The following KCNMA1 variants were observed in gnomAD, a reference collection of about 807,000 sequenced individuals.
The protein encoded by KCNMA1 is potassium calcium-activated channel subfamily M alpha 1.
In KCNMA1, 29 loss-of-function variants were observed where a neutral mutation model predicts 140.0. The observed-to-expected ratio is 0.21, with a 90% CI of 0.15 to 0.28. The LOEUF (loss-of-function observed/expected upper bound fraction) is 0.28. Among genes scored for constraint, KCNMA1 ranks in the 10% least tolerant of loss-of-function variants. The pLI, the probability that KCNMA1 is intolerant of heterozygous loss-of-function variation, is 1.00. For missense variants in KCNMA1, 880 were observed against 1,602.2 expected (o/e 0.55, Z 7.70); for synonymous variants, 612 against 611.9 (o/e 1.00, Z 0.00).
At chr10:77,502,038 C>A (rs1289861675) in intron 1 of KCNMA1, among the ~76,000 whole-genome samples, 1 of 152,178 alleles carries the variant, frequency 6.6e-6, no homozygotes, top group African/African-American at 2.4e-5. Context: ...CCTCCTCTGC[C>A]AGGTGAGACC....
At chr10:76,999,820 C>T (rs563858990) in intron 19 of KCNMA1, among the ~76,000 whole-genome samples, 1 of 152,152 alleles carries the variant, frequency 6.6e-6, no homozygotes, top group Non-Finnish European at 1.5e-5. Flanking sequence ...AGCAGGAAAT[C>T]GTGAATCAGA....
At chr10:77,616,126 A>G (rs755284902) in intron 1 of KCNMA1, among the ~76,000 whole-genome samples, 1 of 152,228 alleles carries the variant, frequency 6.6e-6, no homozygotes, top group Non-Finnish European at 1.5e-5. Context: ...GAGCCTCACA[A>G]GACTGAATTT....
intron 1 of KCNMA1, among the ~76,000 whole-genome samples, chr10:77,492,018 C>T (rs529461785): frequency 1.3e-5 from 2 of 152,124 alleles, no homozygotes; most frequent in Admixed American, 6.5e-5. Context: ...TACGCCCTGC[C>T]GGTCCCGCCT....
chr10:77,391,987 G>T (rs1056275402), intron 2 of KCNMA1, among the ~76,000 whole-genome samples: 1 of 151,156 alleles, frequency 6.6e-6, no homozygotes, highest in Non-Finnish European at 1.5e-5. Flanking sequence ...TGAAGGCCTT[G>T]GGGGAAAACC....
chr10:77,159,964 C>G (rs1310581105), intron 5 of KCNMA1, among the ~76,000 whole-genome samples: 1 of 152,154 alleles, frequency 6.6e-6, no homozygotes, highest in Non-Finnish European at 1.5e-5. Flanking sequence ...GACACAGTGC[C>G]TAGAATGTGG....
At chr10:76,991,320 T>C (rs891358343) in intron 19 of KCNMA1, among the ~76,000 whole-genome samples, 1 of 152,216 alleles carries the variant, frequency 6.6e-6, no homozygotes, top group African/African-American at 2.4e-5. Flanking sequence ...GAAGCATTGG[T>C]GGATTTTTGC....
intron 3 of KCNMA1, among the ~76,000 whole-genome samples, chr10:77,234,857 A>G (rs946213527): frequency 6.6e-6 from 1 of 152,226 alleles, no homozygotes; most frequent in African/African-American, 2.4e-5. Context: ...ATTTTTAACT[A>G]CAATAAAACA....
At chr10:77,392,092 TGGGAAGGAGGGA>T (rs2095850025) in intron 2 of KCNMA1, among the ~76,000 whole-genome samples, 1 of 139,820 alleles carries the variant, frequency 7.2e-6, no homozygotes, top group Non-Finnish European at 1.5e-5. Context: ...TTTCATGGGT[TGGGAAGGAGGGA>T]GGGAAGGACG....
intron 2 of KCNMA1, among the ~76,000 whole-genome samples, chr10:77,399,623 C>CG (rs906204452): frequency 1.3e-5 from 2 of 152,044 alleles, no homozygotes; most frequent in South Asian, 2.1e-4. Context: ...GATCTGGAGC[C>CG]GGGGGGTCAA....
At chr10:77,289,202 C>A (rs764828588) in intron 2 of KCNMA1, among the ~76,000 whole-genome samples, 2 of 152,300 alleles carry the variant, frequency 1.3e-5, no homozygotes, top group African/African-American at 2.4e-5. Flanking sequence ...GCAAACCACA[C>A]AGGAGCAGTT....
intron 1 of KCNMA1, among the ~76,000 whole-genome samples, chr10:77,542,002 G>A (rs1376533258): frequency 2.6e-5 from 4 of 152,176 alleles, no homozygotes; most frequent in Non-Finnish European, 5.9e-5. Context: ...GCAATGGTTT[G>A]AATATTTGTG....
intron 25 of KCNMA1, among the ~76,000 whole-genome samples, chr10:76,900,793 T>C (rs2044864694): frequency 6.6e-6 from 1 of 152,048 alleles, no homozygotes; most frequent in South Asian, 2.1e-4. Context: ...TTTGCCATAA[T>C]GTATGAGATG....
chr10:77,184,947 G>A (rs763699503), intron 3 of KCNMA1, 31 bp from the exon 4 acceptor site: 9 of 1,286,224 alleles, frequency 7.0e-6, no homozygotes, highest in African/African-American at 1.5e-5. Flanking sequence ...AAAGCAAGAG[G>A]TAAATGACAG....
chr10:77,492,778 A>G (rs904052401), intron 1 of KCNMA1, among the ~76,000 whole-genome samples: 1 of 152,220 alleles, frequency 6.6e-6, no homozygotes, highest in Non-Finnish European at 1.5e-5. Flanking sequence ...CTGGCACATG[A>G]CAGGCACTGT....
chr10:77,135,638 C>T lies in KCNMA1; in HGVS notation c.809-14590G>A, dbSNP rs547877851. Among the ~76,000 whole-genome samples, 8 of 152,258 alleles carry T rather than the reference C, an allele frequency of 5.3e-5. No homozygotes were observed. The East Asian group carries it at 1.3e-3, about 26-fold the overall frequency. On this transcript the variant is annotated intron_variant, in intron 5 of 27. Coordinates refer to ENST00000286628, the MANE Select transcript of KCNMA1 (RefSeq NM_001161352.2). ...GAATGAAGAAAATGTGATATATATA[C>T]ACAATGGCATATTATTCAGCCAAGA...
rs548064885 is a variant in KCNMA1 at position 77,264,346 on chromosome 10, T to C, written c.541-13090A>G. On this transcript the variant is annotated intron_variant, in intron 2 of 27. Coordinates refer to ENST00000286628, the MANE Select transcript of KCNMA1 (RefSeq NM_001161352.2). Reference sequence around the variant, plus strand: ...CATGTGTGGGGCATTTGTTTGAGGGTGGGTGGATGAGAATGTGGTCAGGTA... The same window carrying C: ...CATGTGTGGGGCATTTGTTTGAGGGCGGGTGGATGAGAATGTGGTCAGGTA... Among the ~76,000 whole-genome samples, 6 of 152,150 alleles carry C rather than the reference T, an allele frequency of 3.9e-5. No homozygotes were observed. In the South Asian group the frequency reaches 1.2e-3, roughly 32 times the overall value.
chr10:77,025,989 GAAA>G (rs141656183), intron 16 of KCNMA1, among the ~76,000 whole-genome samples: 4 of 131,874 alleles, frequency 3.0e-5, no homozygotes, highest in Admixed American at 7.7e-5. Flanking sequence ...CTTTTCTGAA[GAAA>G]AAAAAAATAT....
intron 1 of KCNMA1, among the ~76,000 whole-genome samples, chr10:77,620,211 T>A (rs1439519675): frequency 6.6e-6 from 1 of 151,946 alleles, no homozygotes. Context: ...AAAGGCCAGT[T>A]ATGCAACCAT....
At chr10:77,100,258 A>G (rs2097063401) in intron 9 of KCNMA1, among the ~76,000 whole-genome samples, 1 of 152,176 alleles carries the variant, frequency 6.6e-6, no homozygotes. Context: ...AGGCTGTTCT[A>G]TACACTAGCT....
Sources: gnomAD v4.1 joint callset for allele counts (sites outside exome capture counted in the v4.1 genomes callset) on GRCh38, gnomAD v4.1.1 for gene constraint, MANE v1.5 for transcripts, NCBI Gene and HGNC (gene_info 2026-07-23, HGNC 2026-07-21) for gene names.